Variants in PDGFC observed in about 807,000 individuals in gnomAD.
PDGFC encodes platelet derived growth factor C.
Under a neutral mutation model 35.5 loss-of-function variants are expected in PDGFC, and 12 were observed. The ratio of observed to expected loss-of-function variants is 0.34; its 90% CI spans 0.22 to 0.55. PDGFC has a LOEUF of 0.55. Among genes scored for constraint, PDGFC ranks in the 20% least tolerant of loss-of-function variants. The pLI, the probability that PDGFC is intolerant of heterozygous loss-of-function variation, is 0.91. For synonymous variants in PDGFC, 159 were observed against 148.8 expected (o/e 1.07, Z -0.50); for missense variants, 322 against 412.4 (o/e 0.78, Z 1.90).
chr4:156,771,906 G>C (rs989289426), intron 4 of PDGFC, among the ~76,000 whole-genome samples: 1 of 152,078 alleles, frequency 6.6e-6, no homozygotes, highest in Non-Finnish European at 1.5e-5. Context: ...TTTCATTTGT[G>C]TCTGCTATGG....
chr4:156,947,181 C>T (rs1005742384), intron 1 of PDGFC, among the ~76,000 whole-genome samples: 12 of 151,960 alleles, frequency 7.9e-5, no homozygotes, highest in Admixed American at 2.6e-4. Flanking sequence ...AAAGCAGGAA[C>T]GCACACAAGC....
intron 3 of PDGFC, among the ~76,000 whole-genome samples, chr4:156,804,334 T>A (rs190762072): frequency 6.6e-6 from 1 of 152,040 alleles, no homozygotes; most frequent in Non-Finnish European, 1.5e-5. Flanking sequence ...ACACAGATAA[T>A]TGAGTATCAC....
intron 1 of PDGFC, among the ~76,000 whole-genome samples, chr4:156,969,011 C>A (rs1437572911): frequency 6.6e-6 from 1 of 152,040 alleles, no homozygotes; most frequent in African/African-American, 2.4e-5. Flanking sequence ...GCATGGGGAT[C>A]ACAAGAGAGA....
chr4:156,926,356 T>C (rs1046327076), intron 1 of PDGFC, among the ~76,000 whole-genome samples: 4 of 151,852 alleles, frequency 2.6e-5, no homozygotes, highest in African/African-American at 9.7e-5. Flanking sequence ...GACAAAACCA[T>C]AAAAATGATA....
chr4:156,825,142 T>C (rs1732406114), intron 2 of PDGFC, among the ~76,000 whole-genome samples: 2 of 152,148 alleles, frequency 1.3e-5, no homozygotes, highest in Admixed American at 6.5e-5. Context: ...ACAGTCGAGG[T>C]AGGCAGATGC....
At chr4:156,816,448 T>C (rs1364634026) in intron 2 of PDGFC, among the ~76,000 whole-genome samples, 1 of 152,188 alleles carries the variant, frequency 6.6e-6, no homozygotes, top group Non-Finnish European at 1.5e-5. Context: ...TGTTTATCTA[T>C]GCTTTAAATT....
intron 3 of PDGFC, among the ~76,000 whole-genome samples, chr4:156,802,578 A>ACG (rs1731644375): frequency 6.6e-6 from 1 of 151,972 alleles, no homozygotes; most frequent in African/African-American, 2.4e-5. Flanking sequence ...ACACACACAC[A>ACG]CACACATATA....
intron 1 of PDGFC, among the ~76,000 whole-genome samples, chr4:156,895,310 A>G (rs1481376984): frequency 2.6e-5 from 4 of 152,200 alleles, no homozygotes; most frequent in African/African-American, 9.7e-5. Context: ...ATACTTTTAT[A>G]TAAAAGTTGG....
chr4:156,921,131 C>A (rs1002907652), intron 1 of PDGFC, among the ~76,000 whole-genome samples: 1 of 152,166 alleles, frequency 6.6e-6, no homozygotes, highest in Non-Finnish European at 1.5e-5. Context: ...TTGTTTTCTT[C>A]CCATGCTGTG....
intron 2 of PDGFC, among the ~76,000 whole-genome samples, chr4:156,834,990 T>G (rs1381634505): frequency 6.6e-6 from 1 of 152,134 alleles, no homozygotes; most frequent in Non-Finnish European, 1.5e-5. Flanking sequence ...ATATTATATT[T>G]AATTTTTAAA....
chr4:156,821,167 GTA>G (rs377379217), intron 2 of PDGFC, among the ~76,000 whole-genome samples: 8,832 of 121,502 alleles, frequency 0.073, 843 homozygotes, highest in African/African-American at 0.29. Context: ...GTTGCCTGTT[GTA>G]TGTGTGTGTG....
At chr4:156,781,964 T>C (rs896780220) in intron 3 of PDGFC, among the ~76,000 whole-genome samples, 3 of 152,190 alleles carry the variant, frequency 2.0e-5, no homozygotes, top group African/African-American at 4.8e-5. Context: ...TTAAAAAATA[T>C]AGCTCATGAT....
intron 3 of PDGFC, among the ~76,000 whole-genome samples, chr4:156,807,250 T>G (rs1224378408): frequency 3.3e-5 from 5 of 152,014 alleles, no homozygotes; most frequent in Non-Finnish European, 5.9e-5. Flanking sequence ...AGTACTACTG[T>G]TTTAAAAAGC....
At chr4:156,789,860 C>G (rs974764081) in intron 3 of PDGFC, among the ~76,000 whole-genome samples, 1 of 151,090 alleles carries the variant, frequency 6.6e-6, no homozygotes, top group Non-Finnish European at 1.5e-5. Context: ...GCCTGTAGTT[C>G]CAGATACTCA....
At chr4:156,926,408 T>A (rs1390463004) in intron 1 of PDGFC, among the ~76,000 whole-genome samples, 1 of 151,974 alleles carries the variant, frequency 6.6e-6, no homozygotes, top group Non-Finnish European at 1.5e-5. Context: ...AAAGGCAGGG[T>A]CCCTGGCAAG....
At chr4:156,881,315 G>A (rs1159714170) in intron 1 of PDGFC, among the ~76,000 whole-genome samples, 1 of 152,122 alleles carries the variant, frequency 6.6e-6, no homozygotes, top group Non-Finnish European at 1.5e-5. Context: ...TTGTTGTTTA[G>A]ATATAATGCT....
chr4:156,901,737 C>T (rs1016252492), intron 1 of PDGFC, among the ~76,000 whole-genome samples: 1 of 152,038 alleles, frequency 6.6e-6, no homozygotes, highest in Non-Finnish European at 1.5e-5. Context: ...ATTCTCGTGC[C>T]TCGGCCTCCT....
chr4:156,782,354 A>G (rs2110851045), intron 3 of PDGFC, among the ~76,000 whole-genome samples: 1 of 152,296 alleles, frequency 6.6e-6, no homozygotes, highest in Non-Finnish European at 1.5e-5. Context: ...AAAATGCAGG[A>G]TTTCAACTCT....
intron 1 of PDGFC, among the ~76,000 whole-genome samples, chr4:156,944,056 G>A (rs1731877308): frequency 6.6e-6 from 1 of 152,124 alleles, no homozygotes; most frequent in Admixed American, 6.5e-5. Context: ...AGCCAAATTA[G>A]AGCTTTAGTT....
Sources: gnomAD v4.1 joint callset for allele counts (sites outside exome capture counted in the v4.1 genomes callset) on GRCh38, gnomAD v4.1.1 for gene constraint, MANE v1.5 for transcripts, NCBI Gene and HGNC (gene_info 2026-07-23, HGNC 2026-07-21) for gene names.